CRMP1: variants seen among roughly 807,000 people sequenced by gnomAD.
CRMP1 encodes the protein collapsin response mediator protein 1, also known as dihydropyrimidinase-related protein 1.
In CRMP1, 19 loss-of-function variants were observed where a neutral mutation model predicts 68.3. The observed-to-expected ratio is 0.28, with a 90% CI of 0.19 to 0.41. The LOEUF (loss-of-function observed/expected upper bound fraction) is 0.41, where lower values mean the gene tolerates loss of function less well. Among genes scored for constraint, CRMP1 ranks in the 10% least tolerant of loss-of-function variants. CRMP1 has a pLI of 1.00. For synonymous variants in CRMP1, 439 were observed against 399.6 expected (o/e 1.10, Z -1.18); for missense variants, 791 against 967.4 (o/e 0.82, Z 2.42).
chr4:5,821,469 A>G lies in CRMP1; in HGVS notation c.*291T>C. 2.4e-6 allele frequency: 1 copy of G among 420,300 alleles called. No individual in the cohort carries two copies. Among genetic ancestry groups the G allele is most frequent in the Non-Finnish European group, 4.3e-6 (1 of 230,878 alleles). 26.0% of individuals were successfully genotyped at this position (420,300 alleles called of 1,614,324 possible). ...TGGAGCCAGTGGAGTTAGAAGTGGA[A>G]GGGACAGAACAAGACAATGCTAAAA... On this transcript the variant is annotated 3_prime_UTR_variant, in exon 14 of 14. Coordinates refer to ENST00000324989, the MANE Select transcript of CRMP1 (RefSeq NM_001014809.3). This position sits in a 1 kb window ranked among gnomAD's most constrained non-coding sequence, Gnocchi z 4.4.
In CRMP1 at chr4:5,850,678, T is replaced by C. The variant is rs577663759; in HGVS notation, c.882+730A>G. Among the ~76,000 whole-genome samples the C allele has an allele frequency of 5.3e-5, 8 of 152,262 alleles. No homozygotes were observed. Among genetic ancestry groups the C allele is most frequent in the African/African-American group, 1.9e-4 (8 of 41,542 alleles). On this transcript the variant is annotated intron_variant, in intron 5 of 13. Transcript: ENST00000324989. The surrounding 1 kb of genome is among the most constrained non-coding windows in gnomAD (Gnocchi z 4.4). Reference sequence around the variant, plus strand: ...ATCATGAGCCTAAAGCACAGAGAAGTTGGGAAAGCTGCCCCTGGCTGCAGA... The same window carrying C: ...ATCATGAGCCTAAAGCACAGAGAAGCTGGGAAAGCTGCCCCTGGCTGCAGA...
chr4:5,851,541 T>G, intron 4 of CRMP1, 72 bp from the exon 5 acceptor site: 1 of 1,448,302 alleles, frequency 6.9e-7, no homozygotes, highest in South Asian at 1.1e-5. Flanking sequence ...AATAAATCAA[T>G]GACCACAGAG....
rs368788001 is a variant in CRMP1, at chr4:5,842,975, T to C, written c.1032+118A>G. The stretch of plus-strand genomic sequence containing the variant: ...GGGAAAACAAGATGGTTTGGGATGG[T>C]CTGGGAGAGGACACGGGAAGAGGCC... On this transcript the variant is annotated intron_variant, in intron 7 of 13. Coordinates refer to ENST00000324989, the MANE Select transcript of CRMP1 (RefSeq NM_001014809.3). This position sits in a 1 kb window ranked among gnomAD's most constrained non-coding sequence, Gnocchi z 4.5. The C allele has an allele frequency of 2.1e-6, 2 of 940,696 alleles. No homozygotes were observed. Among genetic ancestry groups the C allele is most frequent in the Non-Finnish European group, 3.4e-6 (2 of 587,392 alleles). The allele number at this position is 940,696 out of a possible 1,614,324, so 58.3% of individuals were successfully genotyped here.
intron 1 of CRMP1, among the ~76,000 whole-genome samples, chr4:5,885,108 T>G (rs9992519): frequency 0.12 from 18,705 of 151,954 alleles, 2,048 homozygotes; most frequent in African/African-American, 0.3. Flanking sequence ...CTATATTGTC[T>G]CAGAAAAAGG....
Position 5,892,835 on chromosome 4 carries a change from G to T in CRMP1, c.135C>A (p.Asn45Lys). 1 of 1,416,088 alleles carries T rather than the reference G, an allele frequency of 7.1e-7. No homozygotes were observed. The highest frequency in any genetic ancestry group is 1.4e-5 in the South Asian group (1 of 73,542). The allele number at this position is 1,416,088 out of a possible 1,614,324, so 87.7% of individuals were successfully genotyped here. A position where few individuals can be genotyped will look rare whatever the true frequency, so the allele number is the denominator to read the frequency against. Reference protein sequence around the residue: ...MFAAVEGAYENKTIDFDAYSV... With the variant: ...MFAAVEGAYEKKTIDFDAYSV... ...TGTAGGCGTCGAAGTCGATGGTCTT[G>T]TTCTCGTAGGCGCCCTCCACCGCGG... Residue 45 changes from asparagine to lysine, a missense_variant, in exon 1 of 14, where the codon AAC (asparagine) becomes AAA (lysine). Asn to Lys is a moderately conservative substitution (Grantham distance 94, BLOSUM62 0). This residue lies in a region of CRMP1 where 193 missense variants were observed against 186.3 expected (regional missense o/e 1.04). Coordinates refer to ENST00000324989, the MANE Select transcript of CRMP1 (RefSeq NM_001014809.3). The surrounding 1 kb of genome is among the most constrained non-coding windows in gnomAD (Gnocchi z 8.6).
Position 5,842,428 on chromosome 4 carries a change from C to CAAAAAA in CRMP1, c.1032+659_1032+664dup. 1.0e-5 allele frequency among the ~76,000 whole-genome samples: 1 copy of CAAAAAA among 99,066 alleles called. No individual in the cohort carries two copies. Among genetic ancestry groups the CAAAAAA allele is most frequent in the South Asian group, 4.0e-4 (1 of 2,528 alleles). 65.0% of individuals were successfully genotyped at this position (99,066 alleles called of 152,430 possible). ...TGGGCAACAGAGAGAGACTCCATCT[C>CAAAAAA]AAAAAAAAAAAAAAAAAAAGAAAAG... On this transcript the variant is annotated intron_variant, in intron 7 of 13. Coordinates refer to ENST00000324989, the MANE Select transcript of CRMP1 (RefSeq NM_001014809.3). The surrounding 1 kb of genome is among the most constrained non-coding windows in gnomAD (Gnocchi z 4.5).
At chr4:5,832,199 G>T (rs1720427619) in intron 11 of CRMP1, among the ~76,000 whole-genome samples, 1 of 152,304 alleles carries the variant, frequency 6.6e-6, no homozygotes, top group African/African-American at 2.4e-5. Flanking sequence ...TTGTTCATGG[G>T]TACAGGGTTT....
Position 5,889,697 on chromosome 4 carries a change from T to C in CRMP1, c.381+2892A>G. 6.5e-7 allele frequency: 1 copy of C among 1,536,080 alleles called. No homozygotes were observed. The highest frequency in any genetic ancestry group is 8.7e-7 in the Non-Finnish European group (1 of 1,146,874). On this transcript the variant is annotated intron_variant, in intron 1 of 13. Coordinates refer to ENST00000324989, the MANE Select transcript of CRMP1 (RefSeq NM_001014809.3). This position sits in a 1 kb window ranked among gnomAD's most constrained non-coding sequence, Gnocchi z 4.5. ...CACAGGTCCTATGAAACTACTCATC[T>C]TTTCTGCTTTCAAGTTGCCATCCAG...
rs138147178 is a variant in CRMP1 at position 5,881,973 on chromosome 4, G to C, written c.381+10616C>G. Reference sequence around the variant, plus strand: ...TTGTCCATTGAGACACCTCAATTTCGAGCTTGCTACCAAATCCAATACAAC... The same window carrying C: ...TTGTCCATTGAGACACCTCAATTTCCAGCTTGCTACCAAATCCAATACAAC... On this transcript the variant is annotated intron_variant, in intron 1 of 13. Transcript: ENST00000324989. The surrounding 1 kb of genome is among the most constrained non-coding windows in gnomAD (Gnocchi z 4.6). Among the ~76,000 whole-genome samples, 2 of 152,012 alleles carry C rather than the reference G, an allele frequency of 1.3e-5. No homozygotes were observed. Among genetic ancestry groups the C allele is most frequent in the Admixed American group, 6.5e-5 (1 of 15,280 alleles).
intron 11 of CRMP1, among the ~76,000 whole-genome samples, chr4:5,830,512 T>C (rs1319079722): frequency 2.0e-5 from 3 of 152,220 alleles, no homozygotes. Context: ...GAACCATGGT[T>C]TGATTTGTTT....
In CRMP1 at chr4:5,834,774, G is replaced by A. The variant is rs995385246; in HGVS notation, c.1623+1141C>T. 6.6e-6 allele frequency among the ~76,000 whole-genome samples: 1 copy of A among 152,176 alleles called. No individual in the cohort carries two copies. The highest frequency in any genetic ancestry group is 2.4e-5 in the African/African-American group (1 of 41,448). ...GTGCGTGGCATAAACCTTTCTCCAT[G>A]GGAAGATGATCTCAGGCACCCCGTT... On this transcript the variant is annotated intron_variant, in intron 11 of 13. Coordinates refer to ENST00000324989, the MANE Select transcript of CRMP1 (RefSeq NM_001014809.3). This position sits in a 1 kb window ranked among gnomAD's most constrained non-coding sequence, Gnocchi z 4.3.
chr4:5,852,309 G>C (rs1712720992), intron 4 of CRMP1, among the ~76,000 whole-genome samples: 1 of 152,200 alleles, frequency 6.6e-6, no homozygotes, highest in Non-Finnish European at 1.5e-5. Context: ...TTTCTGCAAA[G>C]AGGACATTAC....
rs1711873725 is a variant in CRMP1, at chr4:5,842,761, G to A, written c.1032+332C>T. 2.6e-5 allele frequency among the ~76,000 whole-genome samples: 4 copies of A among 152,288 alleles called. No homozygotes were observed. Among genetic ancestry groups the A allele is most frequent in the Admixed American group, 6.5e-5 (1 of 15,290 alleles). On this transcript the variant is annotated intron_variant, in intron 7 of 13. Transcript: ENST00000324989. This position sits in a 1 kb window ranked among gnomAD's most constrained non-coding sequence, Gnocchi z 4.5. ...GGGAACAGGGCAGGCAGTGGGAGTTGTCTCCTGGGTGCTGGGCTTGGGCAT... is the reference window on the plus strand; with the variant it reads ...GGGAACAGGGCAGGCAGTGGGAGTTATCTCCTGGGTGCTGGGCTTGGGCAT...
At chr4:5,835,164 G>A (rs972170099) in intron 11 of CRMP1, among the ~76,000 whole-genome samples, 18 of 152,216 alleles carry the variant, frequency 1.2e-4, no homozygotes, top group Admixed American at 6.5e-4. Flanking sequence ...CTCCATCACG[G>A]TGTGCACATG....
intron 1 of CRMP1, among the ~76,000 whole-genome samples, chr4:5,867,049 C>T (rs1235333298): frequency 6.6e-6 from 1 of 152,320 alleles, no homozygotes; most frequent in East Asian, 1.9e-4. Context: ...TCACTGTTAA[C>T]CCATTTCCCG....
chr4:5,877,642 A>G lies in CRMP1; in HGVS notation c.382-10886T>C, dbSNP rs1049554635. The stretch of plus-strand genomic sequence containing the variant: ...ATGAGCCTGAATCTAATTAACACAC[A>G]TTCGTTCCCCCTCTCACGGGTAGGG... On this transcript the variant is annotated intron_variant, in intron 1 of 13. Transcript: ENST00000324989. The surrounding 1 kb of genome is among the most constrained non-coding windows in gnomAD (Gnocchi z 4.3). Among the ~76,000 whole-genome samples, 10 of 152,180 alleles carry G rather than the reference A, an allele frequency of 6.6e-5. No individual in the cohort carries two copies. Among genetic ancestry groups the G allele is most frequent in the Non-Finnish European group, 5.9e-5 (4 of 68,040 alleles).
At position 5,843,271 on chromosome 4, in the gene CRMP1, G is replaced by C. The variant is rs187179451; in HGVS notation, c.964-110C>G. On this transcript the variant is annotated intron_variant, in intron 6 of 13. Coordinates refer to ENST00000324989, the MANE Select transcript of CRMP1 (RefSeq NM_001014809.3). The surrounding 1 kb of genome is among the most constrained non-coding windows in gnomAD (Gnocchi z 4.1). ...GGGGGCAGCTGGGTCCCAAAGAGGC[G>C]AGTGGCTTGCACTAGGTTAACAGTG... 25 of 1,072,986 alleles carry C rather than the reference G, an allele frequency of 2.3e-5. No homozygotes were observed. In the Admixed American group the frequency reaches 3.3e-4, roughly 14 times the overall value. 66.5% of individuals were successfully genotyped at this position (1,072,986 alleles called of 1,614,324 possible).
intron 11 of CRMP1, among the ~76,000 whole-genome samples, chr4:5,829,771 C>T (rs944177409): frequency 3.3e-5 from 5 of 152,178 alleles, no homozygotes; most frequent in Non-Finnish European, 7.3e-5. Context: ...GATGTACTAC[C>T]ATTTATATGC....
rs955563346 is a variant in CRMP1 at position 5,879,933 on chromosome 4, A to C, written c.381+12656T>G. On this transcript the variant is annotated intron_variant, in intron 1 of 13. Transcript: ENST00000324989. This position sits in a 1 kb window ranked among gnomAD's most constrained non-coding sequence, Gnocchi z 4.2. ...CCTAACACCGTATGCGGAAATCATG[A>C]TAGAGGAGGAATAAAGAATTGGAGT... Among the ~76,000 whole-genome samples the C allele has an allele frequency of 6.6e-6, 1 of 152,202 alleles. No individual in the cohort carries two copies. Among genetic ancestry groups the C allele is most frequent in the Non-Finnish European group, 1.5e-5 (1 of 68,038 alleles).
Sources: gnomAD v4.1 joint callset for allele counts (sites outside exome capture counted in the v4.1 genomes callset) on GRCh38, gnomAD v4.1.1 for gene constraint, gnomAD v4.1.1 regional missense constraint, Gnocchi (gnomAD v3.1) non-coding constraint, MANE v1.5 for transcripts, NCBI Gene and HGNC (gene_info 2026-07-23, HGNC 2026-07-21) for gene names.